INSYN2B: variants seen among roughly 807,000 people sequenced by gnomAD.
INSYN2B encodes the protein protein INSYN2B.
Under a neutral mutation model 41.2 loss-of-function variants are expected in INSYN2B, and 16 were observed. That is an observed-to-expected ratio of 0.39 (90% CI 0.26 to 0.59). The LOEUF is 0.59. Among genes scored for constraint, INSYN2B ranks in the 20% least tolerant of loss-of-function variants. The pLI is 0.57. For synonymous variants in INSYN2B, 245 were observed against 244.4 expected (o/e 1.00, Z -0.02); for missense variants, 608 against 646.4 (o/e 0.94, Z 0.64).
chr5:169,925,199 GT>G (rs894735446), intron 1 of INSYN2B, among the ~76,000 whole-genome samples: 1 of 152,318 alleles, frequency 6.6e-6, no homozygotes, highest in Admixed American at 6.5e-5. Flanking sequence ...CTGAGGACTA[GT>G]TCAGTCAGGC....
intron 1 of INSYN2B, among the ~76,000 whole-genome samples, chr5:169,889,932 C>G (rs529562593): frequency 6.6e-6 from 1 of 152,180 alleles, no homozygotes; most frequent in South Asian, 2.1e-4. Flanking sequence ...GACACATTGC[C>G]GTGTCCCTTC....
At chr5:169,965,121 C>T (rs1266931118) in intron 1 of INSYN2B, among the ~76,000 whole-genome samples, 1 of 152,136 alleles carries the variant, frequency 6.6e-6, no homozygotes, top group African/African-American at 2.4e-5. Context: ...GTAAGTGTTA[C>T]TTGATGGTTA....
At chr5:169,890,270 A>G (rs1773208102) in intron 1 of INSYN2B, among the ~76,000 whole-genome samples, 1 of 151,856 alleles carries the variant, frequency 6.6e-6, no homozygotes, top group Admixed American at 6.6e-5. Flanking sequence ...TATGTCTTCC[A>G]CTCTTTTTCT....
At chr5:169,866,626 G>A (rs936831704) in intron 3 of INSYN2B, among the ~76,000 whole-genome samples, 2 of 152,202 alleles carry the variant, frequency 1.3e-5, no homozygotes, top group Non-Finnish European at 2.9e-5. Flanking sequence ...TGCTAATCCA[G>A]TGAATCTGTG....
At chr5:169,874,849 G>A (rs1772221094) in intron 3 of INSYN2B, among the ~76,000 whole-genome samples, 1 of 151,560 alleles carries the variant, frequency 6.6e-6, no homozygotes, top group South Asian at 2.1e-4. Context: ...CTGGGCCCCA[G>A]AAAGGCCTGA....
At chr5:169,933,666 C>G (rs1457260957) in intron 1 of INSYN2B, among the ~76,000 whole-genome samples, 1 of 152,152 alleles carries the variant, frequency 6.6e-6, no homozygotes, top group Admixed American at 6.5e-5. Flanking sequence ...AGTCAGGGGA[C>G]CTTACTGGCC....
chr5:169,901,112 A>G (rs1204037187), intron 1 of INSYN2B, among the ~76,000 whole-genome samples: 2 of 152,170 alleles, frequency 1.3e-5, no homozygotes, highest in Admixed American at 1.3e-4. Context: ...CATTGTGGGT[A>G]AGGGAAGTGC....
In INSYN2B at chr5:169,863,598, C is replaced by A. The variant is rs1771343377; in HGVS notation, c.*675G>T. On this transcript the variant is annotated 3_prime_UTR_variant, in exon 4 of 4. Coordinates refer to ENST00000377365, the MANE Select transcript of INSYN2B (RefSeq NM_001129891.3). ...GAATTACACTTATCCAGCACAGCCACACCAACAAGTTTATACCCTGGGGTG... is the reference window on the plus strand; with the variant it reads ...GAATTACACTTATCCAGCACAGCCAAACCAACAAGTTTATACCCTGGGGTG... Among the ~76,000 whole-genome samples the A allele has an allele frequency of 6.6e-6, 1 of 152,240 alleles. No individual in the cohort carries two copies.
chr5:169,952,726 A>G (rs1776709769), intron 1 of INSYN2B, among the ~76,000 whole-genome samples: 1 of 152,178 alleles, frequency 6.6e-6, no homozygotes, highest in Non-Finnish European at 1.5e-5. Context: ...GAATGGAGAC[A>G]TCTCAGGTAG....
chr5:169,872,070 A>G (rs1772014123), intron 3 of INSYN2B, among the ~76,000 whole-genome samples: 1 of 152,148 alleles, frequency 6.6e-6, no homozygotes, highest in South Asian at 2.1e-4. Flanking sequence ...CACTCTAAGC[A>G]AGTTGGCCGA....
chr5:169,868,179 A>C (rs575321434), intron 3 of INSYN2B, among the ~76,000 whole-genome samples: 1 of 152,366 alleles, frequency 6.6e-6, no homozygotes, highest in Admixed American at 6.5e-5. Context: ...ACCAGGTTCC[A>C]GGAACACAAC....
intron 3 of INSYN2B, among the ~76,000 whole-genome samples, chr5:169,876,233 CCTTCA>C (rs777416347): frequency 5.9e-5 from 9 of 152,346 alleles, no homozygotes; most frequent in African/African-American, 9.6e-5. Context: ...CCTTTGAAGT[CCTTCA>C]CTTCATTTCA....
At chr5:169,924,371 T>C (rs555981289) in intron 1 of INSYN2B, among the ~76,000 whole-genome samples, 1 of 152,366 alleles carries the variant, frequency 6.6e-6, no homozygotes, top group South Asian at 2.1e-4. Flanking sequence ...GTCTAACCTC[T>C]TTTTAGTCAG....
At chr5:169,864,518 G>A in intron 3 of INSYN2B, 59 bp from the exon 4 acceptor site, 1 of 1,266,236 alleles carries the variant, frequency 7.9e-7, no homozygotes, top group Non-Finnish European at 1.1e-6. Flanking sequence ...GACTGATTAA[G>A]CATCTCTCAG....
chr5:169,920,526 ATCTCACCAT>A (rs1484859610), intron 1 of INSYN2B, among the ~76,000 whole-genome samples: 2 of 151,454 alleles, frequency 1.3e-5, no homozygotes, highest in African/African-American at 4.9e-5. Context: ...GCAAACCGAG[ATCTCACCAT>A]TCACACCACT....
chr5:169,917,612 GT>G (rs908370601), intron 1 of INSYN2B, among the ~76,000 whole-genome samples: 1 of 152,168 alleles, frequency 6.6e-6, no homozygotes, highest in Non-Finnish European at 1.5e-5. Flanking sequence ...ATTGCTTGCT[GT>G]TTTTTGGTGA....
intron 1 of INSYN2B, among the ~76,000 whole-genome samples, chr5:169,897,794 C>T (rs1166024234): frequency 6.6e-6 from 1 of 152,188 alleles, no homozygotes; most frequent in Non-Finnish European, 1.5e-5. Context: ...TCTTAGAGAG[C>T]AAAGAGATGA....
intron 1 of INSYN2B, among the ~76,000 whole-genome samples, chr5:169,938,531 C>T (rs1354935465): frequency 6.6e-6 from 1 of 152,130 alleles, no homozygotes; most frequent in Non-Finnish European, 1.5e-5. Context: ...ATAGAAAAAG[C>T]ATGCCAAAAA....
rs61360662 is a variant in INSYN2B at position 169,976,023 on chromosome 5, C to T, written c.-919+4254G>A. The stretch of plus-strand genomic sequence containing the variant: ...CTTTCATTTCTGGCCTCTCCTAAGG[C>T]AAAGGTAGTCAACACAGGACCCTAA... On this transcript the variant is annotated intron_variant, in intron 1 of 3. Coordinates refer to ENST00000377365, the MANE Select transcript of INSYN2B (RefSeq NM_001129891.3). 1.9e-3 allele frequency among the ~76,000 whole-genome samples: 293 copies of T among 152,300 alleles called. 1 individual carries two copies. The highest frequency in any genetic ancestry group is 6.5e-3 in the African/African-American group (271 of 41,558).
Sources: gnomAD v4.1 joint callset for allele counts (sites outside exome capture counted in the v4.1 genomes callset) on GRCh38, gnomAD v4.1.1 for gene constraint, MANE v1.5 for transcripts, NCBI Gene and HGNC (gene_info 2026-07-23, HGNC 2026-07-21) for gene names.